Variants in C4orf51 observed in about 807,000 individuals in gnomAD.
C4orf51 encodes the protein uncharacterized protein C4orf51.
In C4orf51, 25 loss-of-function variants were observed where a neutral mutation model predicts 25.2. That is an observed-to-expected ratio of 0.99 (90% CI 0.72 to 1.39). C4orf51 has a LOEUF of 1.39. Ranked by LOEUF, C4orf51 falls within the 40% of genes most tolerant of loss-of-function variation. C4orf51 has a pLI of 0.00. For synonymous variants in C4orf51, 100 were observed against 84.5 expected, an observed-to-expected ratio of 1.18 and a Z score of -1.01; for missense variants, 252 against 239.6, an observed-to-expected ratio of 1.05 and a Z score of -0.34.
intron 1 of C4orf51, among the ~76,000 whole-genome samples, chr4:145,691,070 G>A (rs1483807650): frequency 2.0e-5 from 3 of 152,030 alleles, no homozygotes; most frequent in East Asian, 1.9e-4. Context: ...CTATGATCAT[G>A]CCACTGCACT....
downstream of C4orf51, among the ~76,000 whole-genome samples, chr4:145,771,610 G>C (rs1051049773): frequency 6.6e-5 from 10 of 152,230 alleles, no homozygotes; most frequent in African/African-American, 2.4e-4. Context: ...GTGGGAGAAA[G>C]AAGGTGAGGA....
At chr4:145,751,537 A>G (rs190732830) in intron 1 of C4orf51, among the ~76,000 whole-genome samples, 5 of 152,332 alleles carry the variant, frequency 3.3e-5, no homozygotes, top group African/African-American at 1.2e-4. Context: ...ATAGAGTGAC[A>G]TAAGCAACCC....
intron 1 of C4orf51, among the ~76,000 whole-genome samples, chr4:145,749,923 C>A (rs12510505): frequency 1.3e-5 from 2 of 151,982 alleles, no homozygotes; most frequent in Non-Finnish European, 2.9e-5. Flanking sequence ...CATGAGCCAC[C>A]GTGCCCGTCC....
intron 3 of C4orf51, 133 bp downstream of exon 3, chr4:145,727,102 G>A: frequency 1.5e-6 from 1 of 646,018 alleles, no homozygotes; most frequent in Non-Finnish European, 2.6e-6. Flanking sequence ...TTATTCCTGA[G>A]TGCTTATTTT....
the C4orf51 span, among the ~76,000 whole-genome samples, chr4:145,777,407 G>A: frequency 4.7e-3 from 714 of 152,258 alleles, 5 homozygotes; most frequent in African/African-American, 0.016. Flanking sequence ...ACTCACCAGC[G>A]AAAATTTCTG....
intron 1 of C4orf51, among the ~76,000 whole-genome samples, chr4:145,690,383 T>C (rs1393229238): frequency 2.6e-5 from 4 of 151,542 alleles, no homozygotes; most frequent in Admixed American, 1.3e-4. Context: ...CAGGCACCTG[T>C]AGTCCCAGCT....
intron 2 of C4orf51, among the ~76,000 whole-genome samples, chr4:145,719,460 C>A (rs56240513): frequency 0.051 from 7,719 of 151,966 alleles, 282 homozygotes; most frequent in Middle Eastern, 0.088. Context: ...AAAAAATTAG[C>A]CAGGCGTGGT....
chr4:145,706,237 G>A (rs75140451), intron 2 of C4orf51, among the ~76,000 whole-genome samples: 5,347 of 152,216 alleles, frequency 0.035, 277 homozygotes, highest in African/African-American at 0.11. Context: ...TATACTTGGC[G>A]TGGTTATTTG....
intron 5 of C4orf51, among the ~76,000 whole-genome samples, chr4:145,730,946 C>G (rs887847085): frequency 5.9e-5 from 9 of 152,312 alleles, no homozygotes; most frequent in African/African-American, 2.2e-4. Context: ...CTCAACTTTT[C>G]TGCTTAGGAC....
chr4:145,767,792 CA>C (rs1735542300), intron 1 of C4orf51, among the ~76,000 whole-genome samples: 2 of 152,010 alleles, frequency 1.3e-5, no homozygotes, highest in African/African-American at 4.8e-5. Context: ...AGGCAACAAA[CA>C]AAAGCTCACA....
At chr4:145,704,171 A>G (rs1730647414) in intron 2 of C4orf51, among the ~76,000 whole-genome samples, 1 of 152,254 alleles carries the variant, frequency 6.6e-6, no homozygotes, top group African/African-American at 2.4e-5. Flanking sequence ...AGCCTCCCTC[A>G]GAGAGAATAG....
At chr4:145,786,399 C>T in the C4orf51 span, among the ~76,000 whole-genome samples, 1 of 152,186 alleles carries the variant, frequency 6.6e-6, no homozygotes, top group East Asian at 1.9e-4. Context: ...AATATGACCT[C>T]AATGCATAAA....
chr4:145,681,463 A>G (rs1489225887), intron 1 of C4orf51, among the ~76,000 whole-genome samples: 1 of 152,238 alleles, frequency 6.6e-6, no homozygotes, highest in Non-Finnish European at 1.5e-5. Context: ...TTTTTAAAAT[A>G]ACTCTCAAGT....
chr4:145,709,688 T>C (rs772652428), intron 2 of C4orf51, among the ~76,000 whole-genome samples: 4 of 152,134 alleles, frequency 2.6e-5, no homozygotes, highest in Non-Finnish European at 4.4e-5. Flanking sequence ...CATCAGTTTT[T>C]TGGGGAAACA....
At chr4:145,711,189 C>T (rs1465628024) in intron 2 of C4orf51, among the ~76,000 whole-genome samples, 1 of 152,142 alleles carries the variant, frequency 6.6e-6, no homozygotes, top group African/African-American at 2.4e-5. Context: ...ATAAATACCC[C>T]TAAGGAAAAA....
At chr4:145,787,291 C>T in the C4orf51 span, among the ~76,000 whole-genome samples, 14 of 151,958 alleles carry the variant, frequency 9.2e-5, no homozygotes, top group African/African-American at 3.1e-4. Context: ...AGTGACACCC[C>T]GTCTCTACTA....
intron 1 of C4orf51, among the ~76,000 whole-genome samples, chr4:145,689,012 G>A (rs7689469): frequency 0.037 from 5,586 of 152,140 alleles, 291 homozygotes; most frequent in African/African-American, 0.12. Flanking sequence ...AAAGACCAGT[G>A]GAGCAGAATA....
intron 1 of C4orf51, among the ~76,000 whole-genome samples, chr4:145,693,305 C>T (rs1729738001): frequency 1.3e-5 from 2 of 150,872 alleles, no homozygotes; most frequent in Admixed American, 6.6e-5. Flanking sequence ...TCCATTTAAC[C>T]CTGAGTGGAC....
intron 1 of C4orf51, among the ~76,000 whole-genome samples, chr4:145,739,046 T>C (rs1047409850): frequency 6.6e-6 from 1 of 152,226 alleles, no homozygotes; most frequent in African/African-American, 2.4e-5. Flanking sequence ...TTTTACATAA[T>C]GAAAGATTCT....
Sources: allele counts gnomAD v4.1 joint callset (sites outside exome capture counted in the v4.1 genomes callset), GRCh38; gene constraint gnomAD v4.1.1; transcripts MANE v1.5; gene names NCBI Gene and HGNC (gene_info 2026-07-23, HGNC 2026-07-21).